The following HEATR6 variants were observed in gnomAD, a reference collection of about 807,000 sequenced individuals.
HEATR6 encodes the protein HEAT repeat-containing protein 6.
In HEATR6, 106 loss-of-function variants were observed where a neutral mutation model predicts 132.8. The ratio of observed to expected loss-of-function variants is 0.80; its 90% CI spans 0.68 to 0.94. The LOEUF (loss-of-function observed/expected upper bound fraction) is 0.94, where lower values mean the gene tolerates loss of function less well. Among genes scored for constraint, HEATR6 ranks in the 40% least tolerant of loss-of-function variants. The probability of loss-of-function intolerance (pLI) is 0.00; values close to 1 mark genes in which losing one functional copy is unlikely to be tolerated. For missense variants in HEATR6, 1,339 were observed against 1,425.1 expected (o/e 0.94, Z 0.97); for synonymous variants, 529 against 537.8 (o/e 0.98, Z 0.23).
Position 60,049,515 on chromosome 17 carries a change from C to T in HEATR6, c.2547+65G>A, listed in dbSNP as rs1365617345. The T allele has an allele frequency of 3.1e-6, 5 of 1,588,466 alleles. No individual in the cohort carries two copies. The African/African-American group carries it at 6.8e-5, about 21-fold the overall frequency. On this transcript the variant is annotated intron_variant, in intron 16 of 19. Coordinates refer to ENST00000184956, the MANE Select transcript of HEATR6 (RefSeq NM_022070.5). ...ACCATCCAATGCAGGAGCTCTATAT[C>T]CACAAAATAGGGGTGTCATGGACTA...
At chr17:60,047,528 A>G (rs1318088999) in intron 17 of HEATR6, 123 bp from the exon 18 acceptor site, 2 of 445,698 alleles carry the variant, frequency 4.5e-6, no homozygotes, top group Non-Finnish European at 7.9e-6. Context: ...AAATCTGCTT[A>G]GATTATATCA....
chr17:60,050,862 T>C lies in HEATR6; in HGVS notation c.2405A>G (p.Glu802Gly). ...CATTACCGGCAGATTGCTGAAGGCC[T>C]CTGGCAAGATGGAAGACAGGGCATC... ...ACDALSSILP[E>G]AFSNLPNDRQ... is the part of the protein sequence containing the mutation. Residue 802 changes from glutamate (E) to glycine (G), a missense_variant, in exon 15 of 20, where the codon GAG (glutamate) becomes GGG (glycine). Glu to Gly is a moderately conservative substitution (Grantham distance 98, BLOSUM62 -2). Transcript: ENST00000184956. 6.2e-7 allele frequency: 1 copy of C among 1,614,216 alleles called. No homozygotes were observed. Among genetic ancestry groups the C allele is most frequent in the Non-Finnish European group, 8.5e-7 (1 of 1,180,034 alleles).
intron 2 of HEATR6, chr17:60,074,267 T>C: frequency 4.1e-6 from 1 of 245,368 alleles, no homozygotes; most frequent in Non-Finnish European, 6.6e-6. Flanking sequence ...AACTGCTAAA[T>C]ACCTACTGCA....
At chr17:60,067,813 A>C (rs1045373830) in intron 7 of HEATR6, 81 bp from the exon 8 acceptor site, 4 of 1,156,730 alleles carry the variant, frequency 3.5e-6, no homozygotes, top group Non-Finnish European at 3.7e-6. Context: ...CTTCATTTTA[A>C]AGTGACTAAA....
At position 60,066,289 on chromosome 17, in the gene HEATR6, A is replaced by G; in HGVS notation, c.1336T>C (p.Phe446Leu). ...KKVLYGYWSA[F>L]IPDTPELGSP... ...CCAAGTTCAGGCGTATCAGGAATAAAAGCTGACCAGTAGCCATAAAGAACT... is the reference window on the plus strand; with the variant it reads ...CCAAGTTCAGGCGTATCAGGAATAAGAGCTGACCAGTAGCCATAAAGAACT... Residue 446 changes from phenylalanine to leucine, a missense_variant, in exon 9 of 20, where the codon TTT becomes CTT. Transcript: ENST00000184956. 6.2e-7 allele frequency: 1 copy of G among 1,614,128 alleles called. No individual in the cohort carries two copies. Among genetic ancestry groups the G allele is most frequent in the Non-Finnish European group, 8.5e-7 (1 of 1,179,960 alleles).
chr17:60,057,396 A>G lies in HEATR6; in HGVS notation c.1731T>C (p.Asn577=), dbSNP rs1906780943. The G allele has an allele frequency of 1.9e-6, 3 of 1,584,690 alleles. No homozygotes were observed. The highest frequency in any genetic ancestry group is 1.1e-5 in the South Asian group (1 of 87,642). Residue 577 remains asparagine, a synonymous_variant, in exon 12 of 20, where the codon AAT becomes AAC. Transcript: ENST00000184956. ...IKPYIRHKDV[N]VRVSSLTLLG... is the part of the protein sequence containing the mutation. ...AGAGTGTGAGACTTGACACACGAACATTAACATCTGTCAAAGGAAGCAGTA... is the reference window on the plus strand; with the variant it reads ...AGAGTGTGAGACTTGACACACGAACGTTAACATCTGTCAAAGGAAGCAGTA...
chr17:60,044,194 GGA>G, intron 19 of HEATR6, 60 bp from the exon 20 acceptor site: 3 of 1,296,004 alleles, frequency 2.3e-6, no homozygotes, highest in Non-Finnish European at 2.2e-6. Flanking sequence ...GGGGTGAGAG[GGA>G]GAGGGGTGGA....
In HEATR6 at chr17:60,041,999, T is replaced by C. The variant is rs554454147; in HGVS notation, c.*1564A>G. Among the ~76,000 whole-genome samples the C allele has an allele frequency of 6.6e-6, 1 of 152,270 alleles. No individual in the cohort carries two copies. The highest frequency in any genetic ancestry group is 2.1e-4 in the South Asian group (1 of 4,828). On this transcript the variant is annotated 3_prime_UTR_variant, in exon 20 of 20. Coordinates refer to ENST00000184956, the MANE Select transcript of HEATR6 (RefSeq NM_022070.5). Reference sequence around the variant, plus strand: ...TGGTGCTCAGTAGAAAAATGCAAAATTTAAATATATATATTCAGTAGAAGT... The same window carrying C: ...TGGTGCTCAGTAGAAAAATGCAAAACTTAAATATATATATTCAGTAGAAGT...
rs2083250546 is a variant in HEATR6, at chr17:60,067,820, T to G, written c.940-88A>C. Reference sequence around the variant, plus strand: ...CGTTACTTCTTCATTTTAAAGTGACTAAATATGTCCCCAACATGTAGTTTA... The same window carrying G: ...CGTTACTTCTTCATTTTAAAGTGACGAAATATGTCCCCAACATGTAGTTTA... On this transcript the variant is annotated intron_variant, in intron 7 of 19. Transcript: ENST00000184956. 18 of 1,037,536 alleles carry G rather than the reference T, an allele frequency of 1.7e-5. 1 individual carries two copies. In the South Asian group the frequency reaches 2.9e-4, roughly 17 times the overall value. The allele number at this position is 1,037,536 out of a possible 1,614,324, so 64.3% of individuals were successfully genotyped here. A position where few individuals can be genotyped will look rare whatever the true frequency, so the allele number is the denominator to read the frequency against.
Position 60,057,118 on chromosome 17 carries a change from G to A in HEATR6, c.2009C>T (p.Ser670Leu). The A allele has an allele frequency of 6.2e-7, 1 of 1,614,120 alleles. No individual in the cohort carries two copies. Among genetic ancestry groups the A allele is most frequent in the Non-Finnish European group, 8.5e-7 (1 of 1,179,994 alleles). Reference protein sequence around the residue: ...IVVLPKEDSCSGSDAGSAAGS... With the variant: ...IVVLPKEDSCLGSDAGSAAGS... ...TGCTGCAGAGCCAGCATCGCTACCT[G>A]AACAGGAATCCTCCTTGGGCAGTAC... The change falls in exon 12 of 20, where the codon TCA (serine) becomes TTA (leucine). Residue 670 changes from serine to leucine, a missense_variant. By Grantham distance (145) the Ser-to-Leu change is moderately radical (BLOSUM62 -2). Coordinates refer to ENST00000184956, the MANE Select transcript of HEATR6 (RefSeq NM_022070.5).
In HEATR6 at chr17:60,043,915, C is replaced by G. The variant is rs146017166; in HGVS notation, c.3194G>C (p.Cys1065Ser). ...DTIDFLEFKYCVSLRTQICQA... is the reference protein window; with the variant it reads ...DTIDFLEFKYSVSLRTQICQA... ...GCAGATTTGGGTCCGTAGGCTGACA[C>G]AGTACTTGAATTCCAAAAAGTCTAT... Residue 1065 changes from cysteine (C) to serine (S), a missense_variant, in exon 20 of 20, where the codon TGT becomes TCT. By Grantham distance (112) the Cys-to-Ser change is moderately radical (BLOSUM62 -1). Transcript: ENST00000184956. 1.5e-5 allele frequency: 25 copies of G among 1,613,978 alleles called. No homozygotes were observed. In the African/African-American group the frequency reaches 3.1e-4, roughly 20 times the overall value.
At chr17:60,076,020 T>C (rs1013008146) in intron 2 of HEATR6, 110 bp downstream of exon 2, 15 of 607,778 alleles carry the variant, frequency 2.5e-5, no homozygotes, top group Non-Finnish European at 4.3e-5. Flanking sequence ...GCTTTTCCTA[T>C]AGCATCTCAA....
chr17:60,049,473 G>T (rs1288838123), intron 16 of HEATR6, 107 bp downstream of exon 16: 6 of 1,272,364 alleles, frequency 4.7e-6, no homozygotes, highest in Non-Finnish European at 6.6e-6. Flanking sequence ...AGATTACAAA[G>T]CAATTTAGTT....
chr17:60,078,360 G>A (rs1278340860), intron 1 of HEATR6, among the ~76,000 whole-genome samples: 1 of 152,194 alleles, frequency 6.6e-6, no homozygotes, highest in Non-Finnish European at 1.5e-5. Flanking sequence ...GCAATAAACA[G>A]TAGTAATGCA....
At chr17:60,049,003 TATA>T (rs1906483216) in intron 16 of HEATR6, among the ~76,000 whole-genome samples, 1 of 132,486 alleles carries the variant, frequency 7.5e-6, no homozygotes, top group Non-Finnish European at 1.6e-5. Flanking sequence ...TATATATATA[TATA>T]TATATATATA....
chr17:60,073,802 C>T lies in HEATR6; in HGVS notation c.412G>A (p.Glu138Lys), dbSNP rs762881272. Residue 138 changes from glutamate (E) to lysine (K), a missense_variant, in exon 3 of 20, where the codon GAA becomes AAA. Physicochemically the swap from Glu to Lys is moderately conservative, Grantham distance 56 (BLOSUM62 1). Transcript: ENST00000184956. Reference protein sequence around the residue: ...IHQCSSWTHREILQALAALVY... With the variant: ...IHQCSSWTHRKILQALAALVY... ...AGAGCTGCCAGGGCTTGAAGAATTT[C>T]CCTGTGTGTCCAGGAACTACACTGA... The T allele has an allele frequency of 6.2e-7, 1 of 1,614,060 alleles. No individual in the cohort carries two copies. Among genetic ancestry groups the T allele is most frequent in the Non-Finnish European group, 8.5e-7 (1 of 1,179,934 alleles).
intron 7 of HEATR6, among the ~76,000 whole-genome samples, chr17:60,069,361 G>A (rs1302249931): frequency 3.9e-5 from 6 of 152,330 alleles, no homozygotes; most frequent in African/African-American, 1.4e-4. Flanking sequence ...CAATAGAGTT[G>A]GTAGTTATGA....
chr17:60,073,204 T>G lies in HEATR6; in HGVS notation c.544A>C (p.Arg182=), dbSNP rs1488708083. ...SDLAQSDPEV[R]RAAVHCMANL... ...GCCATACAATGTACTGCAGCTCTCC[T>G]GACTTCAGGATCAGACTGAGCCAAG... The change falls in exon 4 of 20, where the codon AGG becomes CGG. Residue 182 remains arginine, a synonymous_variant. Transcript: ENST00000184956. 1 of 1,613,634 alleles carries G rather than the reference T, an allele frequency of 6.2e-7. No individual in the cohort carries two copies. The highest frequency in any genetic ancestry group is 1.1e-5 in the South Asian group (1 of 91,072).
rs756169114 is a variant in HEATR6 at position 60,073,850 on chromosome 17, C to T, written c.364G>A (p.Ala122Thr). The change falls in exon 3 of 20, where the codon GCA (alanine) becomes ACA (threonine). Residue 122 changes from alanine (A) to threonine (T), a missense_variant. Ala to Thr is a moderately conservative substitution (Grantham distance 58, BLOSUM62 0). Coordinates refer to ENST00000184956, the MANE Select transcript of HEATR6 (RefSeq NM_022070.5). The part of the protein sequence containing the change: ...VDEQHLDFLL[A>T]YTISAIHQCS... ...TGATGAATAGCCGAAATAGTATATG[C>T]CAACAGGAAATCCAAGTGCTGTTCA... is the stretch of plus-strand genomic sequence containing the variant. 3 of 1,613,870 alleles carry T rather than the reference C, an allele frequency of 1.9e-6. No homozygotes were observed. Among genetic ancestry groups the T allele is most frequent in the East Asian group, 2.2e-5 (1 of 44,882 alleles).
Sources: allele counts gnomAD v4.1 joint callset (sites outside exome capture counted in the v4.1 genomes callset), GRCh38; gene constraint gnomAD v4.1.1; transcripts MANE v1.5; gene names NCBI Gene and HGNC (gene_info 2026-07-23, HGNC 2026-07-21).